The following PPP2R3A variants were observed in gnomAD, a reference collection of about 807,000 sequenced individuals.
The protein encoded by PPP2R3A is serine/threonine-protein phosphatase 2A regulatory subunit B'' subunit alpha.
In PPP2R3A, 80 loss-of-function variants were observed where a neutral mutation model predicts 106.9. That is an observed-to-expected ratio of 0.75 (90% CI 0.62 to 0.90). The LOEUF is 0.90. PPP2R3A is among the 40% of genes least tolerant of loss of function. The probability of loss-of-function intolerance (pLI) is 0.00; values close to 1 mark genes in which losing one functional copy is unlikely to be tolerated. For missense variants in PPP2R3A, 1,386 were observed against 1,350.4 expected, an observed-to-expected ratio of 1.03 and a Z score of -0.41; for synonymous variants, 483 against 468.3, an observed-to-expected ratio of 1.03 and a Z score of -0.41.
chr3:136,106,411 T>C, intron 13 of PPP2R3A, 89 bp downstream of exon 13: 3 of 1,133,636 alleles, frequency 2.6e-6, no homozygotes, highest in Non-Finnish European at 3.8e-6. Flanking sequence ...TCCTTTTCTG[T>C]TTTTTCCATT....
At chr3:136,018,058 G>A (rs1030004320) in intron 2 of PPP2R3A, among the ~76,000 whole-genome samples, 11 of 152,202 alleles carry the variant, frequency 7.2e-5, no homozygotes, top group Non-Finnish European at 1.6e-4. Context: ...CTTGAGCCCA[G>A]GAGTTCAGGA....
chr3:136,002,817 A>C lies in PPP2R3A; in HGVS notation c.1319A>C (p.Glu440Ala). The stretch of plus-strand genomic sequence containing the variant: ...AAGACAGAGAATGGACCTAGTCATG[A>C]GTTATTAAAGGTAAATGAACATAGA... Reference protein sequence around the residue: ...GQKTENGPSHELLKVNEHRAE... With the variant: ...GQKTENGPSHALLKVNEHRAE... The change falls in exon 2 of 14, where the codon GAG (glutamate) becomes GCG (alanine). Residue 440 changes from glutamate (E) to alanine (A), a missense_variant. By Grantham distance (107) the Glu-to-Ala change is moderately radical. Coordinates refer to ENST00000264977, the MANE Select transcript of PPP2R3A (RefSeq NM_002718.5). 6.2e-7 allele frequency: 1 copy of C among 1,614,030 alleles called. No individual in the cohort carries two copies. The highest frequency in any genetic ancestry group is 8.5e-7 in the Non-Finnish European group (1 of 1,179,936).
chr3:136,114,095 G>A (rs896451337), intron 13 of PPP2R3A, among the ~76,000 whole-genome samples: 7 of 152,296 alleles, frequency 4.6e-5, no homozygotes, highest in Middle Eastern at 3.4e-3. Context: ...TGGTTGGACA[G>A]TAGGTGCAGC....
intron 2 of PPP2R3A, among the ~76,000 whole-genome samples, chr3:136,014,662 T>C (rs1934209977): frequency 6.6e-6 from 1 of 152,196 alleles, no homozygotes; most frequent in Admixed American, 6.5e-5. Flanking sequence ...TGCTACTGAT[T>C]TGTGTACTTT....
At chr3:135,979,224 C>T (rs985916734) in intron 1 of PPP2R3A, among the ~76,000 whole-genome samples, 1 of 151,522 alleles carries the variant, frequency 6.6e-6, no homozygotes, top group African/African-American at 2.4e-5. Context: ...ACTAAAAATA[C>T]GAAAATTAGC....
intron 1 of PPP2R3A, among the ~76,000 whole-genome samples, chr3:135,984,678 C>A (rs1346230758): frequency 6.6e-6 from 1 of 152,192 alleles, no homozygotes; most frequent in East Asian, 1.9e-4. Flanking sequence ...TTTCCCCTTC[C>A]ACCATGATTG....
chr3:135,973,984 C>CT (rs1937323519), intron 1 of PPP2R3A, among the ~76,000 whole-genome samples: 1 of 152,192 alleles, frequency 6.6e-6, no homozygotes, highest in South Asian at 2.1e-4. Context: ...CTGAAGCACT[C>CT]TTGTCAAGCT....
At chr3:136,065,315 A>C (rs1936230766) in intron 5 of PPP2R3A, among the ~76,000 whole-genome samples, 1 of 152,290 alleles carries the variant, frequency 6.6e-6, no homozygotes, top group African/African-American at 2.4e-5. Context: ...AGTTATAGAG[A>C]TAACCAGCAA....
chr3:136,021,411 T>C (rs1052228549), intron 2 of PPP2R3A, among the ~76,000 whole-genome samples: 1 of 152,114 alleles, frequency 6.6e-6, no homozygotes, highest in African/African-American at 2.4e-5. Context: ...CAGAAGACTC[T>C]GCCACTTAAA....
rs145846438 is a variant in PPP2R3A at position 136,061,939 on chromosome 3, A to C, written c.2470-8539A>C. Among the ~76,000 whole-genome samples, 1,048 of 151,820 alleles carry C rather than the reference A, an allele frequency of 6.9e-3. 18 individuals are homozygous for C. Among genetic ancestry groups the C allele is most frequent in the African/African-American group, 0.024 (992 of 41,364 alleles). ...AAGACTCTATCTCAAAAAAAAAAAAAAAAAAAACACTGAGTCCTGACAATT... is the reference window on the plus strand; with the variant it reads ...AAGACTCTATCTCAAAAAAAAAAAACAAAAAAACACTGAGTCCTGACAATT... On this transcript the variant is annotated intron_variant, in intron 5 of 13. Coordinates refer to ENST00000264977, the MANE Select transcript of PPP2R3A (RefSeq NM_002718.5).
intron 6 of PPP2R3A, among the ~76,000 whole-genome samples, chr3:136,071,417 TAA>T: frequency 6.6e-6 from 1 of 152,380 alleles, no homozygotes; most frequent in African/African-American, 2.4e-5. Flanking sequence ...TATGTCAGTA[TAA>T]AACTTTGTAA....
At chr3:136,015,405 G>C (rs1053528196) in intron 2 of PPP2R3A, among the ~76,000 whole-genome samples, 1 of 151,992 alleles carries the variant, frequency 6.6e-6, no homozygotes, top group African/African-American at 2.4e-5. Flanking sequence ...CCAATTCTTT[G>C]AATGTCTGAT....
At chr3:136,048,978 T>C (rs1203412968) in intron 4 of PPP2R3A, among the ~76,000 whole-genome samples, 1 of 152,132 alleles carries the variant, frequency 6.6e-6, no homozygotes, top group African/African-American at 2.4e-5. Flanking sequence ...CTGAAAATGC[T>C]TTAGACAGCT....
At chr3:136,010,363 G>C (rs1456262795) in intron 2 of PPP2R3A, among the ~76,000 whole-genome samples, 2 of 133,648 alleles carry the variant, frequency 1.5e-5, no homozygotes, top group Non-Finnish European at 3.1e-5. Flanking sequence ...CGATTCTCCT[G>C]CCTCAGCCTC....
chr3:136,080,997 C>CT (rs976400346), intron 7 of PPP2R3A, among the ~76,000 whole-genome samples: 9 of 147,200 alleles, frequency 6.1e-5, no homozygotes, highest in African/African-American at 1.0e-4. Context: ...TTTCTTTTTT[C>CT]TTTTTTTTTT....
At chr3:136,096,722 T>A (rs550173697) in intron 10 of PPP2R3A, among the ~76,000 whole-genome samples, 1 of 152,274 alleles carries the variant, frequency 6.6e-6, no homozygotes, top group African/African-American at 2.4e-5. Context: ...CCAGTAACTT[T>A]CTTCTTGAGT....
intron 2 of PPP2R3A, among the ~76,000 whole-genome samples, chr3:136,011,678 T>C (rs1234218383): frequency 6.6e-6 from 1 of 152,160 alleles, no homozygotes; most frequent in Non-Finnish European, 1.5e-5. Context: ...CAGTCCTTCA[T>C]AAGAACTGGG....
Position 136,001,977 on chromosome 3 carries a change from T to G in PPP2R3A, c.479T>G (p.Leu160Trp), listed in dbSNP as rs112344111. The G allele has an allele frequency of 6.2e-7, 1 of 1,614,206 alleles. No individual in the cohort carries two copies. Among genetic ancestry groups the G allele is most frequent in the Admixed American group, 1.7e-5 (1 of 60,020 alleles). Residue 160 changes from leucine to tryptophan, a missense_variant, in exon 2 of 14, where the codon TTG (leucine) becomes TGG (tryptophan). Transcript: ENST00000264977. ...SFNRRSVDLD[L>W]LCGHYNNDGN... ...AATAGGAGGTCAGTTGATTTGGACT[T>G]GCTTTGTGGCCATTATAACAACGAT...
At chr3:136,045,949 C>T (rs1576459433) in intron 4 of PPP2R3A, among the ~76,000 whole-genome samples, 1 of 152,002 alleles carries the variant, frequency 6.6e-6, no homozygotes, top group Admixed American at 6.6e-5. Flanking sequence ...TTTGGGAGGC[C>T]GAGGCAGTAA....
Sources: allele counts gnomAD v4.1 joint callset (sites outside exome capture counted in the v4.1 genomes callset), GRCh38; gene constraint gnomAD v4.1.1; transcripts MANE v1.5; gene names NCBI Gene and HGNC (gene_info 2026-07-23, HGNC 2026-07-21).